SCRN3: variants seen among roughly 807,000 people sequenced by gnomAD.
SCRN3 encodes the protein secernin 3.
A neutral mutation model predicts 43.1 loss-of-function variants in SCRN3; 39 were observed. The ratio of observed to expected loss-of-function variants is 0.91; its 90% CI spans 0.70 to 1.18. The LOEUF (loss-of-function observed/expected upper bound fraction) is 1.18, where lower values mean the gene tolerates loss of function less well. Ranked by LOEUF, SCRN3 falls within the 50% of genes most tolerant of loss-of-function variation. SCRN3 has a pLI of 0.00. For missense variants in SCRN3, 484 were observed against 498.0 expected (o/e 0.97, Z 0.27); for synonymous variants, 147 against 163.1 (o/e 0.90, Z 0.75).
intron 5 of SCRN3, among the ~76,000 whole-genome samples, chr2:174,420,211 AT>A (rs1559082455): frequency 6.6e-6 from 1 of 152,148 alleles, no homozygotes; most frequent in Non-Finnish European, 1.5e-5. Context: ...AGGGACAAAA[AT>A]TTGACTGGAG....
chr2:174,427,194 A>G (rs1272580682), intron 7 of SCRN3, among the ~76,000 whole-genome samples: 4 of 152,214 alleles, frequency 2.6e-5, no homozygotes, highest in African/African-American at 7.2e-5. Flanking sequence ...TGATTCATCA[A>G]CAATTTAAAA....
At position 174,411,711 on chromosome 2, in the gene SCRN3, C is replaced by A. The variant is rs183954432; in HGVS notation, c.754+7396C>A. 2.6e-5 allele frequency among the ~76,000 whole-genome samples: 4 copies of A among 152,282 alleles called. No homozygotes were observed. The East Asian group carries it at 7.7e-4, about 29-fold the overall frequency. Reference sequence around the variant, plus strand: ...CCAAGGAGGGCAGTTCATTTGAGGTCAGGAGTTCGAGACCACCCTGGCCAA... The same window carrying A: ...CCAAGGAGGGCAGTTCATTTGAGGTAAGGAGTTCGAGACCACCCTGGCCAA... On this transcript the variant is annotated intron_variant, in intron 5 of 7. Transcript: ENST00000272732.
At chr2:174,410,107 C>G (rs1030400165) in intron 5 of SCRN3, 7 of 152,916 alleles carry the variant, frequency 4.6e-5, no homozygotes, top group Middle Eastern at 2.9e-3. Flanking sequence ...TAGCAATCAG[C>G]GAGATTCCGT....
At chr2:174,421,921 G>A (rs1188717009) in intron 5 of SCRN3, among the ~76,000 whole-genome samples, 10 of 152,064 alleles carry the variant, frequency 6.6e-5, no homozygotes, top group Admixed American at 6.6e-4. Flanking sequence ...AAGGCCCACT[G>A]TAGTAAATCA....
intron 5 of SCRN3, among the ~76,000 whole-genome samples, chr2:174,420,522 G>T (rs1686260576): frequency 6.6e-6 from 1 of 152,108 alleles, no homozygotes; most frequent in East Asian, 1.9e-4. Flanking sequence ...TGACCCACAG[G>T]CTGTCTACAC....
chr2:174,421,818 G>A (rs1201305116), intron 5 of SCRN3, among the ~76,000 whole-genome samples: 1 of 152,170 alleles, frequency 6.6e-6, no homozygotes, highest in African/African-American at 2.4e-5. Flanking sequence ...AAATTAAAGT[G>A]CATTAGAATA....
chr2:174,420,440 G>A (rs1414941527), intron 5 of SCRN3, among the ~76,000 whole-genome samples: 1 of 152,080 alleles, frequency 6.6e-6, no homozygotes, highest in East Asian at 1.9e-4. Context: ...TTCATTCAAT[G>A]GAAAGTATCA....
At chr2:174,400,288 T>A (rs979716369) in intron 3 of SCRN3, among the ~76,000 whole-genome samples, 185 bp downstream of exon 3, 2 of 152,120 alleles carry the variant, frequency 1.3e-5, no homozygotes, top group Admixed American at 1.3e-4. Context: ...TTAAAATTAA[T>A]TAATTTTTAT....
chr2:174,399,232 A>G (rs181222022), intron 2 of SCRN3, among the ~76,000 whole-genome samples: 3 of 152,148 alleles, frequency 2.0e-5, no homozygotes, highest in Non-Finnish European at 2.9e-5. Context: ...CCTATGCCAT[A>G]TTTTTTTCTT....
chr2:174,413,482 A>G (rs913081766), intron 5 of SCRN3, among the ~76,000 whole-genome samples: 2 of 151,972 alleles, frequency 1.3e-5, no homozygotes, highest in African/African-American at 4.8e-5. Context: ...ATCAGCAATC[A>G]GATGGAGATT....
At chr2:174,398,096 C>G (rs560723388) in intron 1 of SCRN3, 179 bp from the exon 2 acceptor site, 2 of 326,672 alleles carry the variant, frequency 6.1e-6, no homozygotes, top group Non-Finnish European at 1.1e-5. Context: ...CAACTGCACT[C>G]CAGCCTGGGT....
At chr2:174,396,092 G>T (rs1685296054) in intron 1 of SCRN3, 1 of 1,119,106 alleles carries the variant, frequency 8.9e-7, no homozygotes, top group Non-Finnish European at 1.1e-6. Flanking sequence ...TAATAATTCC[G>T]GCCCTAACCG....
intron 5 of SCRN3, among the ~76,000 whole-genome samples, chr2:174,411,870 G>A (rs1175369075): frequency 6.6e-6 from 1 of 152,152 alleles, no homozygotes; most frequent in Non-Finnish European, 1.5e-5. Flanking sequence ...GCAATGAGCC[G>A]AGATTGCACC....
chr2:174,401,753 T>A (rs975525547), intron 4 of SCRN3, among the ~76,000 whole-genome samples: 17 of 152,238 alleles, frequency 1.1e-4, no homozygotes, highest in Non-Finnish European at 8.8e-5. Context: ...GCCAGAGATG[T>A]AAAGTGATTT....
chr2:174,396,690 C>T (rs529734780), intron 1 of SCRN3, among the ~76,000 whole-genome samples: 2 of 151,668 alleles, frequency 1.3e-5, no homozygotes, highest in African/African-American at 2.4e-5. Context: ...CCCAGCTACT[C>T]GGGAGGTTGA....
rs941150934 is a variant in SCRN3 at position 174,406,366 on chromosome 2, A to G, written c.754+2051A>G. Reference sequence around the variant, plus strand: ...GCTTAAGGAGATTTTGGGCTGAGACAATGGGGTTTTCTAGATATACAATCA... The same window carrying G: ...GCTTAAGGAGATTTTGGGCTGAGACGATGGGGTTTTCTAGATATACAATCA... On this transcript the variant is annotated intron_variant, in intron 5 of 7. Transcript: ENST00000272732. Among the ~76,000 whole-genome samples, 8 of 136,818 alleles carry G rather than the reference A, an allele frequency of 5.8e-5. No individual in the cohort carries two copies. The East Asian group carries it at 8.5e-4, about 15-fold the overall frequency. 89.8% of individuals were successfully genotyped at this position (136,818 alleles called of 152,430 possible). A position where few individuals can be genotyped will look rare whatever the true frequency, so the allele number is the denominator to read the frequency against.
At chr2:174,422,648 T>A (rs1242421309) in intron 5 of SCRN3, among the ~76,000 whole-genome samples, 4 of 99,664 alleles carry the variant, frequency 4.0e-5, no homozygotes, top group East Asian at 6.0e-4. Flanking sequence ...TTCTAGGGAT[T>A]TTTTTACCTG....
rs759618305 is a variant in SCRN3, at chr2:174,404,259, T to A, written c.698T>A (p.Met233Lys). 2 of 1,613,906 alleles carry A rather than the reference T, an allele frequency of 1.2e-6. No homozygotes were observed. The highest frequency in any genetic ancestry group is 1.7e-6 in the Non-Finnish European group (2 of 1,179,824). Residue 233 changes from methionine (M) to lysine (K), a missense_variant, in exon 5 of 8, where the codon ATG becomes AAG. Transcript: ENST00000272732. ...TATTCCTATCTTGACACAGCCAAGA[T>A]GATGACTTCATCAGGCAGATACTGT... Reference protein sequence around the residue: ...AAYSYLDTAKMMTSSGRYCEG... With the variant: ...AAYSYLDTAKKMTSSGRYCEG...
At chr2:174,422,161 C>T (rs1016639126) in intron 5 of SCRN3, among the ~76,000 whole-genome samples, 1 of 152,134 alleles carries the variant, frequency 6.6e-6, no homozygotes, top group African/African-American at 2.4e-5. Context: ...CACAGTGGCT[C>T]ATTTCTGTAA....
Sources: allele counts gnomAD v4.1 joint callset (sites outside exome capture counted in the v4.1 genomes callset), GRCh38; gene constraint gnomAD v4.1.1; transcripts MANE v1.5; gene names NCBI Gene and HGNC (gene_info 2026-07-23, HGNC 2026-07-21).